The following RIMS2 variants were observed in gnomAD, a reference collection of about 807,000 sequenced individuals.
RIMS2 encodes regulating synaptic membrane exocytosis 2.
Under a neutral mutation model 174.4 loss-of-function variants are expected in RIMS2, and 59 were observed. The ratio of observed to expected loss-of-function variants is 0.34; its 90% confidence interval spans 0.27 to 0.42. The LOEUF (loss-of-function observed/expected upper bound fraction) is 0.42. RIMS2 is among the 10% of genes least tolerant of loss of function. The pLI is 1.00. For missense variants in RIMS2, 1,620 were observed against 1,666.3 expected (o/e 0.97, Z 0.48); for synonymous variants, 606 against 572.5 (o/e 1.06, Z -0.84).
chr8:104,003,404 A>C (rs1201680388), intron 17 of RIMS2, among the ~76,000 whole-genome samples: 1 of 151,172 alleles, frequency 6.6e-6, no homozygotes, highest in Admixed American at 6.6e-5. Context: ...AGAGTGTTCC[A>C]CTTGTGAAGA....
chr8:103,743,031 T>C (rs1222982793), intron 2 of RIMS2, among the ~76,000 whole-genome samples: 2 of 152,212 alleles, frequency 1.3e-5, no homozygotes, highest in African/African-American at 2.4e-5. Context: ...TTATAAAGGA[T>C]GTCAGTTAAG....
At chr8:103,565,561 C>T (rs1255385344) in intron 1 of RIMS2, among the ~76,000 whole-genome samples, 1 of 152,184 alleles carries the variant, frequency 6.6e-6, no homozygotes, top group African/African-American at 2.4e-5. Context: ...CCACCTTGGC[C>T]TTCCAAAGTG....
At chr8:103,979,998 G>GTACTCCATAAATACATACACCTACTAT (rs2093758726) in intron 16 of RIMS2, among the ~76,000 whole-genome samples, 2 of 152,052 alleles carry the variant, frequency 1.3e-5, no homozygotes, top group Admixed American at 1.3e-4. Flanking sequence ...TAGGTAAACT[G>GTACTCCATAAATACATACACCTACTAT]GAAAGGACAC....
chr8:103,613,524 T>C (rs1309314900), intron 1 of RIMS2, among the ~76,000 whole-genome samples: 1 of 152,228 alleles, frequency 6.6e-6, no homozygotes, highest in African/African-American at 2.4e-5. Flanking sequence ...AGGGACCTCA[T>C]GAACCTACTT....
At chr8:103,982,465 C>T (rs1332518924) in intron 16 of RIMS2, among the ~76,000 whole-genome samples, 1 of 148,060 alleles carries the variant, frequency 6.8e-6, no homozygotes, top group African/African-American at 2.5e-5. Flanking sequence ...AGACCAATAT[C>T]TCTAATGAAT....
At chr8:104,204,825 C>T (rs907371284) in intron 19 of RIMS2, among the ~76,000 whole-genome samples, 6 of 152,074 alleles carry the variant, frequency 3.9e-5, no homozygotes, top group East Asian at 1.9e-4. Flanking sequence ...TTTGCCTATA[C>T]GTTTTTTAAA....
intron 2 of RIMS2, among the ~76,000 whole-genome samples, chr8:103,700,439 T>C (rs2097154371): frequency 1.3e-5 from 2 of 151,980 alleles, no homozygotes; most frequent in South Asian, 4.1e-4. Context: ...TAGATGTATA[T>C]TTGGAAATGG....
At chr8:104,036,354 T>C (rs1367504588) in intron 19 of RIMS2, among the ~76,000 whole-genome samples, 2 of 151,262 alleles carry the variant, frequency 1.3e-5, no homozygotes, top group South Asian at 2.1e-4. Context: ...GGTTTCACCA[T>C]GTTAGCCAGG....
At chr8:103,721,027 T>A (rs1449604817) in intron 2 of RIMS2, among the ~76,000 whole-genome samples, 1 of 152,174 alleles carries the variant, frequency 6.6e-6, no homozygotes, top group Non-Finnish European at 1.5e-5. Flanking sequence ...TGAGAGGTGA[T>A]TGGATCATGG....
At chr8:104,104,204 T>G (rs1436637377) in intron 19 of RIMS2, among the ~76,000 whole-genome samples, 1 of 152,172 alleles carries the variant, frequency 6.6e-6, no homozygotes, top group Non-Finnish European at 1.5e-5. Context: ...AGTTGGGGGT[T>G]TGAAGATTTG....
At chr8:103,921,640 T>A (rs772182879) in intron 9 of RIMS2, 32 bp from the exon 13 acceptor site, 1 of 843,614 alleles carries the variant, frequency 1.2e-6, no homozygotes, top group Non-Finnish European at 2.1e-6. Flanking sequence ...AGAGCCATTG[T>A]TATTATTCGT....
intron 12 of RIMS2, among the ~76,000 whole-genome samples, chr8:103,935,067 A>G (rs764099978): frequency 6.6e-6 from 1 of 152,186 alleles, no homozygotes. Context: ...CGTGGAAGGA[A>G]CTTTATCTTT....
chr8:103,827,760 G>A (rs546351754), intron 3 of RIMS2, among the ~76,000 whole-genome samples: 18 of 152,128 alleles, frequency 1.2e-4, no homozygotes, highest in South Asian at 1.0e-3. Context: ...GCTTGAACCC[G>A]GGAGGCAGAG....
intron 19 of RIMS2, among the ~76,000 whole-genome samples, chr8:104,038,678 A>T (rs1240172223): frequency 6.6e-6 from 1 of 151,872 alleles, no homozygotes; most frequent in Non-Finnish European, 1.5e-5. Flanking sequence ...CTTACAGCAT[A>T]TTATCATTTG....
chr8:104,037,460 C>T (rs1466444272), intron 19 of RIMS2, among the ~76,000 whole-genome samples: 3 of 152,116 alleles, frequency 2.0e-5, no homozygotes, highest in Admixed American at 2.0e-4. Context: ...AATCTGGTAA[C>T]AGTACCAAGT....
chr8:103,788,545 G>C (rs1424218992), intron 3 of RIMS2, among the ~76,000 whole-genome samples: 13 of 151,610 alleles, frequency 8.6e-5, no homozygotes, highest in African/African-American at 2.9e-4. Context: ...AGGTGTCAGT[G>C]TGCCCCTGCT....
chr8:103,885,897 C>G (rs780078883), exon 4 of RIMS2: 11 of 1,612,992 alleles, frequency 6.8e-6, no homozygotes, highest in Non-Finnish European at 9.3e-6. Flanking sequence ...AACCATAGTC[C>G]TCCTACCCCC....
chr8:103,966,830 A>C (rs1232802909), intron 15 of RIMS2, among the ~76,000 whole-genome samples: 2 of 151,986 alleles, frequency 1.3e-5, no homozygotes, highest in African/African-American at 2.4e-5. Context: ...TATTTATTTA[A>C]AGATATATTT....
chr8:103,942,355 A>G (rs568836363), intron 13 of RIMS2, among the ~76,000 whole-genome samples: 6 of 152,268 alleles, frequency 3.9e-5, no homozygotes, highest in Admixed American at 3.3e-4. Flanking sequence ...TTAGTATTCC[A>G]TGGTGTATAT....
Sources: allele counts gnomAD v4.1 joint callset (sites outside exome capture counted in the v4.1 genomes callset), GRCh38; gene constraint gnomAD v4.1.1; transcripts MANE v1.5; gene names NCBI Gene and HGNC (gene_info 2026-07-23, HGNC 2026-07-21).